POU2AF3: variants seen among roughly 807,000 people sequenced by gnomAD.
POU2AF3 encodes the protein POU class 2 homeobox associating factor 3.
chr11:111,305,820 C>T, the POU2AF3 span, among the ~76,000 whole-genome samples: 2 of 152,096 alleles, frequency 1.3e-5, no homozygotes, highest in Admixed American at 6.5e-5. Flanking sequence ...TTTGTACTTC[C>T]GAGCCAATAG....
At chr11:111,300,512 G>A in the POU2AF3 span, 1 of 1,217,360 alleles carries the variant, frequency 8.2e-7, no homozygotes. Flanking sequence ...CACTGACTCA[G>A]TTGCCTTTCT....
the POU2AF3 span, chr11:111,304,815 G>T: frequency 5.7e-6 from 3 of 528,700 alleles, no homozygotes; most frequent in Non-Finnish European, 8.7e-6. Context: ...TGAGAAGGAA[G>T]AATCTGGCTT....
the POU2AF3 span, among the ~76,000 whole-genome samples, chr11:111,301,037 G>C: frequency 6.6e-6 from 1 of 152,086 alleles, no homozygotes; most frequent in South Asian, 2.1e-4. Context: ...CATCTGTGTG[G>C]AACATCCTCC....
the POU2AF3 span, among the ~76,000 whole-genome samples, chr11:111,305,361 T>C: frequency 6.6e-6 from 1 of 152,228 alleles, no homozygotes; most frequent in Non-Finnish European, 1.5e-5. Flanking sequence ...ATGCCTTTGC[T>C]CTGTTCCTTT....
At chr11:111,303,610 A>G in the POU2AF3 span, among the ~76,000 whole-genome samples, 2 of 152,150 alleles carry the variant, frequency 1.3e-5, no homozygotes, top group East Asian at 1.9e-4. Flanking sequence ...TTTAATACCC[A>G]CTCCTTCCAA....
chr11:111,300,088 C>T, the POU2AF3 span: 34,156 of 389,032 alleles, frequency 0.088, 1,961 homozygotes, highest in Middle Eastern at 0.17. Flanking sequence ...ACGTCAGCCG[C>T]CATAATCAGA....
chr11:111,298,621 G>A, the POU2AF3 span: 1 of 1,246,442 alleles, frequency 8.0e-7, no homozygotes, highest in Non-Finnish European at 1.0e-6. Context: ...GGTCGGGTCA[G>A]GCGGGCCAGG....
chr11:111,308,281 C>G, the POU2AF3 span: 1 of 1,551,850 alleles, frequency 6.4e-7, no homozygotes, highest in Non-Finnish European at 8.7e-7. Context: ...CCACCTCCAT[C>G]TGCTACTGCG....
the POU2AF3 span, chr11:111,306,755 G>T: frequency 1.4e-6 from 1 of 716,652 alleles, no homozygotes; most frequent in Non-Finnish European, 2.3e-6. Context: ...GAAACAAGCA[G>T]AGAAGAATTT....
the POU2AF3 span, chr11:111,305,034 T>C: frequency 9.0e-7 from 1 of 1,111,314 alleles, no homozygotes; most frequent in Non-Finnish European, 1.1e-6. Context: ...CAAAAGTCCA[T>C]CTCAAAAGTC....
chr11:111,307,974 A>G, the POU2AF3 span: 2 of 1,249,128 alleles, frequency 1.6e-6, no homozygotes, highest in Non-Finnish European at 2.1e-6. Flanking sequence ...TTTACCCCTC[A>G]TTTTCTCACT....
At chr11:111,298,826 G>GCGGGGGGCCCCCC in the POU2AF3 span, 8 of 790,960 alleles carry the variant, frequency 1.0e-5, no homozygotes, top group Non-Finnish European at 1.4e-5. Context: ...CGTACCCCAG[G>GCGGGGGGCCCCCC]CCCCCGCCCG....
At chr11:111,308,256 G>C in the POU2AF3 span, 1 of 1,551,774 alleles carries the variant, frequency 6.4e-7, no homozygotes, top group African/African-American at 1.4e-5. Flanking sequence ...CAGTACAGCT[G>C]CTTCTCCTCG....
chr11:111,303,678 G>C, the POU2AF3 span, among the ~76,000 whole-genome samples: 12 of 152,140 alleles, frequency 7.9e-5, no homozygotes, highest in African/African-American at 2.9e-4. Context: ...AAGGATTCCA[G>C]CTTCCTGGTT....
chr11:111,302,778 A>G, the POU2AF3 span, among the ~76,000 whole-genome samples: 1 of 152,204 alleles, frequency 6.6e-6, no homozygotes, highest in African/African-American at 2.4e-5. Flanking sequence ...ATATAATTTA[A>G]TTACAAAAGC....
the POU2AF3 span, chr11:111,299,760 G>C: frequency 3.3e-6 from 4 of 1,217,928 alleles, no homozygotes; most frequent in African/African-American, 6.2e-5. Context: ...GAGTAGGAGC[G>C]GGGGCGAAGG....
At chr11:111,301,662 C>G in the POU2AF3 span, among the ~76,000 whole-genome samples, 1 of 152,146 alleles carries the variant, frequency 6.6e-6, no homozygotes, top group Non-Finnish European at 1.5e-5. Flanking sequence ...TATCCTCAAG[C>G]AAATTACCCA....
At chr11:111,308,034 T>C in the POU2AF3 span, 26 of 1,464,920 alleles carry the variant, frequency 1.8e-5, no homozygotes, top group African/African-American at 3.0e-4. Context: ...GTCTAAGTTA[T>C]TAAGCTCTTT....
the POU2AF3 span, among the ~76,000 whole-genome samples, chr11:111,304,177 T>C: frequency 6.6e-6 from 1 of 152,148 alleles, no homozygotes; most frequent in Non-Finnish European, 1.5e-5. Flanking sequence ...TAAGAACATG[T>C]GAATATTTTT....
Sources: gnomAD v4.1 joint callset for allele counts (sites outside exome capture counted in the v4.1 genomes callset) on GRCh38, gnomAD v4.1.1 for gene constraint, MANE v1.5 for transcripts, NCBI Gene and HGNC (gene_info 2026-07-23, HGNC 2026-07-21) for gene names.